The following PCDHA12 variants were observed in gnomAD, a reference collection of about 807,000 sequenced individuals.
PCDHA12 encodes protocadherin alpha-12.
Under a neutral mutation model 60.0 loss-of-function variants are expected in PCDHA12, and 44 were observed. The ratio of observed to expected loss-of-function variants is 0.73; its 90% CI spans 0.58 to 0.94. The LOEUF (loss-of-function observed/expected upper bound fraction) is 0.94, where lower values mean the gene tolerates loss of function less well. PCDHA12 is among the 40% of genes least tolerant of loss of function. The pLI, the probability that PCDHA12 is intolerant of heterozygous loss-of-function variation, is 0.00. For missense variants in PCDHA12, 1,276 were observed against 1,239.7 expected, an observed-to-expected ratio of 1.03 and a Z score of -0.44; for synonymous variants, 569 against 553.0, an observed-to-expected ratio of 1.03 and a Z score of -0.40.
intron 1 of PCDHA12, among the ~76,000 whole-genome samples, chr5:140,917,270 T>C (rs782142831): frequency 2.6e-5 from 4 of 151,228 alleles, no homozygotes; most frequent in Admixed American, 6.6e-5. Context: ...GTTTGGTTTT[T>C]GTAATGACGC....
At chr5:140,991,447 C>T (rs1554252191) in intron 3 of PCDHA12, among the ~76,000 whole-genome samples, 1 of 152,162 alleles carries the variant, frequency 6.6e-6, no homozygotes, top group African/African-American at 2.4e-5. Context: ...TGGCTTAAAA[C>T]AACACAATGT....
In PCDHA12 at chr5:140,876,316, A is replaced by G. The variant is rs782671827; in HGVS notation, c.844A>G (p.Lys282Glu). ...GLNGEISYGIKMILPVSEKCM... is the reference protein window; with the variant it reads ...GLNGEISYGIEMILPVSEKCM... ...TAATGGAGAAATTTCCTATGGGATC[A>G]AAATGATTTTGCCAGTGAGTGAGAA... is the stretch of plus-strand genomic sequence containing the variant. Residue 282 changes from lysine to glutamate, a missense_variant, in exon 1 of 4, where the codon AAA becomes GAA. Physicochemically the swap from Lys to Glu is moderately conservative, Grantham distance 56. Transcript: ENST00000398631. 4 of 1,613,952 alleles carry G rather than the reference A, an allele frequency of 2.5e-6. No individual in the cohort carries two copies. Among genetic ancestry groups the G allele is most frequent in the Admixed American group, 3.3e-5 (2 of 60,018 alleles).
chr5:140,941,214 C>CTTCCTTTCTTTCTTTCTTT (rs1554214039), intron 1 of PCDHA12, among the ~76,000 whole-genome samples: 1 of 122,414 alleles, frequency 8.2e-6, no homozygotes, highest in Non-Finnish European at 1.7e-5. Context: ...TTTCTTTCTT[C>CTTCCTTTCTTTCTTTCTTT]CTTTCTTTCT....
At chr5:140,911,275 G>A (rs1048648150) in intron 1 of PCDHA12, among the ~76,000 whole-genome samples, 1 of 152,164 alleles carries the variant, frequency 6.6e-6, no homozygotes, top group Non-Finnish European at 1.5e-5. Context: ...AGTGTCCCCA[G>A]CTTCATCAGG....
chr5:140,961,278 C>T (rs1205288915), intron 1 of PCDHA12, among the ~76,000 whole-genome samples: 1 of 152,192 alleles, frequency 6.6e-6, no homozygotes, highest in Non-Finnish European at 1.5e-5. Context: ...TTTACCATGG[C>T]TCTGTTTCTT....
chr5:140,917,746 G>T (rs1200600528), intron 1 of PCDHA12, among the ~76,000 whole-genome samples: 2 of 152,122 alleles, frequency 1.3e-5, no homozygotes, highest in Non-Finnish European at 2.9e-5. Context: ...CTGTCCCATT[G>T]GTCTATGTGT....
intron 1 of PCDHA12, chr5:140,966,271 T>C: frequency 2.8e-6 from 1 of 355,706 alleles, no homozygotes; most frequent in Non-Finnish European, 5.0e-6. Flanking sequence ...CTGGATGAAC[T>C]GGACAGTGGG....
At chr5:140,889,835 C>A (rs899287696) in intron 1 of PCDHA12, among the ~76,000 whole-genome samples, 10 of 152,080 alleles carry the variant, frequency 6.6e-5, no homozygotes, top group African/African-American at 2.2e-4. Context: ...TTACAGTATG[C>A]TTTGGTCTCT....
intron 1 of PCDHA12, among the ~76,000 whole-genome samples, chr5:140,893,236 T>C (rs1554185562): frequency 6.6e-6 from 1 of 152,236 alleles, no homozygotes. Flanking sequence ...TTTGACATAC[T>C]GGTTTCCTTT....
chr5:140,935,527 C>G (rs956168876), intron 1 of PCDHA12, among the ~76,000 whole-genome samples: 4 of 152,172 alleles, frequency 2.6e-5, no homozygotes, highest in Non-Finnish European at 5.9e-5. Context: ...CATGTACAGT[C>G]AAATTATTGT....
chr5:140,928,672 GC>G (rs1466783332), intron 1 of PCDHA12: 1 of 1,614,058 alleles, frequency 6.2e-7, no homozygotes, highest in East Asian at 2.2e-5. Flanking sequence ...TGGTTCTAAT[GC>G]CTGGCTTTCC....
intron 3 of PCDHA12, among the ~76,000 whole-genome samples, chr5:140,998,919 A>G (rs781864069): frequency 6.6e-6 from 1 of 152,248 alleles, no homozygotes; most frequent in Non-Finnish European, 1.5e-5. Flanking sequence ...TAGCTATTAT[A>G]TCCATTTTAC....
intron 1 of PCDHA12, among the ~76,000 whole-genome samples, chr5:140,950,741 C>A (rs149114023): frequency 1.3e-5 from 2 of 152,006 alleles, no homozygotes; most frequent in African/African-American, 4.8e-5. Flanking sequence ...ATCCTAATTT[C>A]TCTCTATCCT....
chr5:140,993,934 C>T (rs936977793), intron 3 of PCDHA12, among the ~76,000 whole-genome samples: 5 of 152,044 alleles, frequency 3.3e-5, no homozygotes, highest in African/African-American at 1.2e-4. Context: ...AGAACATATC[C>T]CCATTGTTAA....
At chr5:140,948,849 C>A (rs2094312653) in intron 1 of PCDHA12, among the ~76,000 whole-genome samples, 1 of 151,046 alleles carries the variant, frequency 6.6e-6, no homozygotes, top group Admixed American at 6.6e-5. Flanking sequence ...GTATTATTTG[C>A]CTTCTTATAT....
chr5:140,999,480 A>G, intron 3 of PCDHA12, among the ~76,000 whole-genome samples: 1 of 152,176 alleles, frequency 6.6e-6, no homozygotes, highest in East Asian at 1.9e-4. Flanking sequence ...ATTCCAACTC[A>G]AGTCTATGTT....
At chr5:140,990,176 T>G (rs1294066255) in intron 3 of PCDHA12, among the ~76,000 whole-genome samples, 1 of 152,142 alleles carries the variant, frequency 6.6e-6, no homozygotes, top group Non-Finnish European at 1.5e-5. Context: ...AAAAGGTGAC[T>G]TTTAAGAACC....
At chr5:140,996,495 G>A (rs2097728470) in intron 3 of PCDHA12, among the ~76,000 whole-genome samples, 2 of 152,156 alleles carry the variant, frequency 1.3e-5, no homozygotes, top group South Asian at 4.1e-4. Context: ...GGCAAGTCTG[G>A]CTTCTTGGGG....
intron 1 of PCDHA12, among the ~76,000 whole-genome samples, chr5:140,947,863 G>A (rs1438094304): frequency 6.6e-6 from 1 of 151,230 alleles, no homozygotes; most frequent in Non-Finnish European, 1.5e-5. Flanking sequence ...CATTATAATG[G>A]CTAGGACTTC....
Sources: gnomAD v4.1 joint callset for allele counts (sites outside exome capture counted in the v4.1 genomes callset) on GRCh38, gnomAD v4.1.1 for gene constraint, MANE v1.5 for transcripts, NCBI Gene and HGNC (gene_info 2026-07-23, HGNC 2026-07-21) for gene names.